HDAC9: variants seen among roughly 807,000 people sequenced by gnomAD.
The protein encoded by HDAC9 is histone deacetylase 9, also known as MEF-2 interacting transcription repressor (MITR) protein.
HDAC9 carries 41 observed loss-of-function variants against 139.4 expected under a neutral mutation model. The observed-to-expected ratio is 0.29, with a 90% CI of 0.23 to 0.38. HDAC9 has a LOEUF of 0.38. Ranked by LOEUF, HDAC9 falls within the 10% of genes least tolerant of loss-of-function variation. The pLI, the probability that HDAC9 is intolerant of heterozygous loss-of-function variation, is 1.00. For missense variants in HDAC9, 1,147 were observed against 1,297.0 expected (o/e 0.88, Z 1.78); for synonymous variants, 517 against 476.2 (o/e 1.09, Z -1.12).
chr7:18,310,661 C>T (rs1448073193), intron 1 of HDAC9, among the ~76,000 whole-genome samples: 4 of 152,112 alleles, frequency 2.6e-5, no homozygotes. Context: ...ATTGAATTGT[C>T]CATGATACCA....
At chr7:18,198,351 C>T (rs922571574) in intron 2 of HDAC9, among the ~76,000 whole-genome samples, 1 of 151,904 alleles carries the variant, frequency 6.6e-6, no homozygotes, top group Non-Finnish European at 1.5e-5. Context: ...AATATCAACA[C>T]CATAGAGAAA....
intron 2 of HDAC9, among the ~76,000 whole-genome samples, chr7:18,198,472 G>T (rs543630433): frequency 1.3e-5 from 2 of 152,060 alleles, no homozygotes; most frequent in African/African-American, 2.4e-5. Flanking sequence ...GGCTCAAATG[G>T]TCCTGTGTTT....
intron 17 of HDAC9, among the ~76,000 whole-genome samples, chr7:18,806,686 G>C (rs1189081470): frequency 6.6e-6 from 1 of 152,096 alleles, no homozygotes; most frequent in East Asian, 1.9e-4. Context: ...TTTTATTCAG[G>C]AAAGGATGCT....
At chr7:18,821,517 A>AATGGTGG (rs796106754) in intron 17 of HDAC9, among the ~76,000 whole-genome samples, 1 of 152,136 alleles carries the variant, frequency 6.6e-6, no homozygotes, top group East Asian at 2.0e-4. Context: ...AAGCAAGATG[A>AATGGTGG]ATGGTGATAC....
chr7:18,234,238 G>A lies in HDAC9; in HGVS notation c.25+71889G>A, dbSNP rs543072761. 3.9e-5 allele frequency among the ~76,000 whole-genome samples: 6 copies of A among 152,290 alleles called. No individual in the cohort carries two copies. In the South Asian group the frequency reaches 1.2e-3, roughly 32 times the overall value. ...GGGCCAAAACCAAGAACACATCTTG[G>A]ATGCTTCCCTCAAGGGTCTTAGGTG... is the stretch of plus-strand genomic sequence containing the variant. On this transcript the variant is annotated intron_variant, in intron 2 of 12. Transcript: ENST00000417496.
chr7:18,595,111 G>A (rs801518), intron 6 of HDAC9, among the ~76,000 whole-genome samples: 148,945 of 152,186 alleles, frequency 0.98, 72,912 homozygotes, highest in Middle Eastern at 1. Flanking sequence ...AATAAAATCA[G>A]TTATGAATAA....
At chr7:18,424,940 T>C (rs1401791654) in intron 1 of HDAC9, among the ~76,000 whole-genome samples, 1 of 152,136 alleles carries the variant, frequency 6.6e-6, no homozygotes, top group Non-Finnish European at 1.5e-5. Context: ...GTAATAAGAA[T>C]ATGTTTTATG....
intron 8 of HDAC9, among the ~76,000 whole-genome samples, chr7:18,642,229 C>T (rs1439198994): frequency 6.6e-6 from 1 of 151,522 alleles, no homozygotes; most frequent in East Asian, 2.0e-4. Context: ...AAGATCCTGA[C>T]ATTTATAAAG....
intron 24 of HDAC9, among the ~76,000 whole-genome samples, chr7:18,963,582 A>G (rs1259312567): frequency 1.3e-5 from 2 of 152,196 alleles, no homozygotes; most frequent in Non-Finnish European, 2.9e-5. Context: ...TTACTTTCAA[A>G]TAATGATAAT....
intron 2 of HDAC9, among the ~76,000 whole-genome samples, chr7:18,253,106 A>T (rs1181267594): frequency 6.6e-6 from 1 of 152,238 alleles, no homozygotes; most frequent in Non-Finnish European, 1.5e-5. Flanking sequence ...ATGACTGCAT[A>T]GTATTCCATG....
intron 1 of HDAC9, among the ~76,000 whole-genome samples, chr7:18,441,047 T>C (rs1322283685): frequency 1.3e-5 from 2 of 152,242 alleles, no homozygotes; most frequent in Non-Finnish European, 2.9e-5. Context: ...GGCAATTCAA[T>C]GGACTTCTCT....
intron 1 of HDAC9, among the ~76,000 whole-genome samples, chr7:18,408,131 A>G (rs556737611): frequency 3.0e-4 from 45 of 152,316 alleles, no homozygotes; most frequent in African/African-American, 9.4e-4. Flanking sequence ...ACTTATTAGT[A>G]TGATGATTTT....
intron 2 of HDAC9, among the ~76,000 whole-genome samples, chr7:18,226,931 G>C (rs1288819455): frequency 6.6e-6 from 1 of 152,178 alleles, no homozygotes; most frequent in African/African-American, 2.4e-5. Flanking sequence ...TATGTTTTGA[G>C]GGGACAATCA....
chr7:18,953,771 T>C (rs1159056980), intron 23 of HDAC9, among the ~76,000 whole-genome samples: 2 of 152,096 alleles, frequency 1.3e-5, no homozygotes, highest in Non-Finnish European at 2.9e-5. Flanking sequence ...TTCTGTCTAT[T>C]GCAACTTCCC....
intron 1 of HDAC9, among the ~76,000 whole-genome samples, chr7:18,337,061 C>T (rs1781637826): frequency 6.6e-6 from 1 of 151,448 alleles, no homozygotes; most frequent in South Asian, 2.1e-4. Flanking sequence ...ATATCAGAAA[C>T]AGTGATAGAG....
intron 2 of HDAC9, among the ~76,000 whole-genome samples, chr7:18,274,674 T>C (rs566053252): frequency 1.3e-5 from 2 of 152,174 alleles, no homozygotes; most frequent in African/African-American, 2.4e-5. Flanking sequence ...CAATGGAATA[T>C]TATGTCGGTC....
At chr7:18,175,458 G>A (rs773540318) in intron 2 of HDAC9, among the ~76,000 whole-genome samples, 7 of 152,166 alleles carry the variant, frequency 4.6e-5, no homozygotes, top group African/African-American at 1.7e-4. Context: ...CCCTCCATGG[G>A]CTGTACCCTC....
At chr7:18,290,639 T>A in intron 1 of HDAC9, 1 of 412,952 alleles carries the variant, frequency 2.4e-6, no homozygotes, top group South Asian at 1.7e-5. Flanking sequence ...AAACTTGTCA[T>A]GCGGAGGGAA....
chr7:18,690,321 A>G (rs972404206), intron 12 of HDAC9, among the ~76,000 whole-genome samples: 22 of 152,088 alleles, frequency 1.4e-4, no homozygotes, highest in Non-Finnish European at 2.9e-4. Flanking sequence ...ATTATATCCC[A>G]TAACTGTTCA....
Sources: allele counts gnomAD v4.1 joint callset (sites outside exome capture counted in the v4.1 genomes callset), GRCh38; gene constraint gnomAD v4.1.1; transcripts MANE v1.5; gene names NCBI Gene and HGNC (gene_info 2026-07-23, HGNC 2026-07-21).